Variants in ZNF423 observed in about 807,000 individuals in gnomAD.
The protein encoded by ZNF423 is zinc finger protein 423, also known as Ebf-associated zinc finger protein.
ZNF423 carries 12 observed loss-of-function variants against 95.8 expected under a neutral mutation model. That is an observed-to-expected ratio of 0.13 (90% CI 0.08 to 0.20). The LOEUF (loss-of-function observed/expected upper bound fraction) is 0.20, where lower values mean the gene tolerates loss of function less well. Among genes scored for constraint, ZNF423 ranks in the 10% least tolerant of loss-of-function variants. The pLI is 1.00. For synonymous variants in ZNF423, 749 were observed against 711.9 expected (o/e 1.05, Z -0.83); for missense variants, 1,316 against 1,737.1 (o/e 0.76, Z 4.31).
intron 3 of ZNF423, among the ~76,000 whole-genome samples, chr16:49,702,419 C>G (rs1027778875): frequency 2.0e-5 from 3 of 152,238 alleles, no homozygotes; most frequent in Non-Finnish European, 2.9e-5. Flanking sequence ...CCTTTGGAAG[C>G]TGGTTTGTGC....
At chr16:49,767,525 G>A (rs374495503) in intron 2 of ZNF423, among the ~76,000 whole-genome samples, 1 of 152,194 alleles carries the variant, frequency 6.6e-6, no homozygotes, top group Admixed American at 6.5e-5. Context: ...CCCATGGAGC[G>A]CTGTTCATTG....
chr16:49,805,507 AC>A (rs2034648392), intron 1 of ZNF423, among the ~76,000 whole-genome samples: 1 of 152,236 alleles, frequency 6.6e-6, no homozygotes, highest in Non-Finnish European at 1.5e-5. Flanking sequence ...TCTGAAGTTC[AC>A]CAGGCCATCC....
intron 4 of ZNF423, among the ~76,000 whole-genome samples, chr16:49,631,849 G>T (rs1192029242): frequency 1.3e-5 from 2 of 152,188 alleles, no homozygotes; most frequent in Non-Finnish European, 2.9e-5. Flanking sequence ...CCTAGGGATG[G>T]GGTAAGTGGA....
intron 5 of ZNF423, among the ~76,000 whole-genome samples, chr16:49,594,283 C>T (rs1164948291): frequency 3.9e-5 from 6 of 152,186 alleles, no homozygotes; most frequent in Non-Finnish European, 1.5e-5. Context: ...GGAATCTCTT[C>T]CCTGCCTCCT....
intron 1 of ZNF423, among the ~76,000 whole-genome samples, chr16:49,815,494 A>G (rs1597034686): frequency 6.6e-6 from 1 of 152,270 alleles, no homozygotes; most frequent in Non-Finnish European, 1.5e-5. Context: ...GACAGATGGG[A>G]AAGCTGAGGC....
At chr16:49,798,775 TG>T (rs1312733552) in intron 1 of ZNF423, among the ~76,000 whole-genome samples, 2 of 152,192 alleles carry the variant, frequency 1.3e-5, no homozygotes, top group Non-Finnish European at 2.9e-5. Flanking sequence ...CCAGCACCTC[TG>T]GAAGCTGCCA....
intron 1 of ZNF423, among the ~76,000 whole-genome samples, chr16:49,808,308 T>G (rs1039063357): frequency 6.6e-6 from 1 of 152,164 alleles, no homozygotes; most frequent in African/African-American, 2.4e-5. Flanking sequence ...GCAATTCTCC[T>G]GCCTTGGCCC....
At chr16:49,787,655 G>A (rs2034337675) in intron 2 of ZNF423, among the ~76,000 whole-genome samples, 1 of 152,138 alleles carries the variant, frequency 6.6e-6, no homozygotes, top group African/African-American at 2.4e-5. Flanking sequence ...CTGCAAGCTG[G>A]GAGACACCTC....
intron 3 of ZNF423, among the ~76,000 whole-genome samples, chr16:49,667,070 C>T (rs1300642135): frequency 1.3e-5 from 2 of 152,306 alleles, no homozygotes; most frequent in East Asian, 3.9e-4. Context: ...GGGTGCTCAG[C>T]CCACAGGGAA....
At chr16:49,648,059 G>A (rs1283565465) in intron 3 of ZNF423, among the ~76,000 whole-genome samples, 2 of 152,086 alleles carry the variant, frequency 1.3e-5, no homozygotes. Context: ...AAGAAAGTAA[G>A]GAACACATCA....
intron 1 of ZNF423, among the ~76,000 whole-genome samples, chr16:49,795,605 C>T (rs1400929189): frequency 6.6e-6 from 1 of 152,224 alleles, no homozygotes; most frequent in Non-Finnish European, 1.5e-5. Context: ...CCAAGGGCAC[C>T]ACAGTAGCCC....
intron 3 of ZNF423, among the ~76,000 whole-genome samples, chr16:49,651,478 G>T (rs1171408060): frequency 6.6e-6 from 1 of 152,170 alleles, no homozygotes; most frequent in Admixed American, 6.5e-5. Flanking sequence ...CCATTAGGGG[G>T]TGTCCCGGGC....
chr16:49,527,257 T>C, intron 5 of ZNF423, among the ~76,000 whole-genome samples: 1 of 152,074 alleles, frequency 6.6e-6, no homozygotes. Context: ...CCTGGAGCCC[T>C]GGCAACTAGG....
chr16:49,600,840 A>C (rs1786420164), intron 5 of ZNF423, among the ~76,000 whole-genome samples: 1 of 152,140 alleles, frequency 6.6e-6, no homozygotes. Context: ...TGCCGAAATA[A>C]ATCACCGTCG....
intron 5 of ZNF423, among the ~76,000 whole-genome samples, chr16:49,570,862 G>A (rs1342352202): frequency 6.6e-6 from 1 of 152,216 alleles, no homozygotes; most frequent in East Asian, 1.9e-4. Flanking sequence ...GCCACCCCCA[G>A]CACAAGTGTG....
intron 2 of ZNF423, among the ~76,000 whole-genome samples, chr16:49,740,574 CA>C (rs2033394246): frequency 6.6e-6 from 1 of 152,252 alleles, no homozygotes; most frequent in Non-Finnish European, 1.5e-5. Context: ...AATATTTTAA[CA>C]CATAATTTGC....
intron 5 of ZNF423, among the ~76,000 whole-genome samples, chr16:49,597,370 C>T (rs1310944027): frequency 1.3e-5 from 2 of 151,984 alleles, no homozygotes; most frequent in Non-Finnish European, 2.9e-5. Flanking sequence ...GCTGTCAGTC[C>T]AAAATACACA....
rs1226025447 is a variant in ZNF423, at chr16:49,770,207, T to TGAAG, written c.100+19279_100+19280insCTTC. On this transcript the variant is annotated intron_variant, in intron 2 of 7. Coordinates refer to ENST00000563137, the MANE Select transcript of ZNF423 (RefSeq NM_001379286.1). ...AAGAATGAATAAAAGAATGAACGAA[T>TGAAG]GAATGAATGAATGAATGGGCCCTCA... Among the ~76,000 whole-genome samples, 5 of 151,606 alleles carry TGAAG rather than the reference T, an allele frequency of 3.3e-5. No homozygotes were observed. The South Asian group carries it at 1.0e-3, about 32-fold the overall frequency.
chr16:49,618,129 G>A (rs1971936464), intron 5 of ZNF423, among the ~76,000 whole-genome samples: 1 of 152,218 alleles, frequency 6.6e-6, no homozygotes, highest in African/African-American at 2.4e-5. Flanking sequence ...GGGGTTAAGG[G>A]CGCAGGCCCC....
Sources: gnomAD v4.1 joint callset for allele counts (sites outside exome capture counted in the v4.1 genomes callset) on GRCh38, gnomAD v4.1.1 for gene constraint, MANE v1.5 for transcripts, NCBI Gene and HGNC (gene_info 2026-07-23, HGNC 2026-07-21) for gene names.